Variants in COL24A1 observed in about 807,000 individuals in gnomAD.
COL24A1 encodes collagen type XXIV alpha 1 chain.
COL24A1 carries 224 observed loss-of-function variants against 253.9 expected under a neutral mutation model. The ratio of observed to expected loss-of-function variants is 0.88; its 90% CI spans 0.79 to 0.99. COL24A1 has a LOEUF of 0.99. Ranked by LOEUF, COL24A1 falls within the 50% of genes least tolerant of loss-of-function variation. The pLI is 0.00. For synonymous variants in COL24A1, 685 were observed against 673.7 expected (o/e 1.02, Z -0.26); for missense variants, 2,131 against 2,068.5 (o/e 1.03, Z -0.59).
intron 59 of COL24A1, among the ~76,000 whole-genome samples, chr1:85,730,975 T>C (rs1430737102): frequency 6.6e-6 from 1 of 152,226 alleles, no homozygotes; most frequent in South Asian, 2.1e-4. Context: ...CAGATATGAA[T>C]TAAAAGGCTG....
At chr1:86,032,043 C>A (rs1698616344) in intron 13 of COL24A1, 121 bp from the exon 14 acceptor site, 2 of 699,706 alleles carry the variant, frequency 2.9e-6, no homozygotes, top group South Asian at 2.3e-5. Flanking sequence ...TCTACTATAG[C>A]TAACTTCTGA....
At chr1:85,805,796 C>A (rs1354933019) in intron 47 of COL24A1, among the ~76,000 whole-genome samples, 1 of 152,146 alleles carries the variant, frequency 6.6e-6, no homozygotes, top group Non-Finnish European at 1.5e-5. Flanking sequence ...TAGAAATAGG[C>A]CGGGCGCGGT....
intron 5 of COL24A1, among the ~76,000 whole-genome samples, chr1:86,092,855 T>C (rs1703606920): frequency 6.6e-6 from 1 of 151,968 alleles, no homozygotes; most frequent in Non-Finnish European, 1.5e-5. Context: ...TAAAATTAGA[T>C]AAGTTTCACA....
chr1:86,110,340 C>G (rs1056859272), intron 5 of COL24A1, among the ~76,000 whole-genome samples: 1 of 146,996 alleles, frequency 6.8e-6, no homozygotes, highest in African/African-American at 2.5e-5. Flanking sequence ...TTCTTCCATA[C>G]GTTTTCCTAT....
At chr1:85,748,384 C>T (rs990555850) in intron 55 of COL24A1, among the ~76,000 whole-genome samples, 3 of 151,958 alleles carry the variant, frequency 2.0e-5, no homozygotes, top group African/African-American at 7.3e-5. Flanking sequence ...ATTTCATCTA[C>T]GAAATATTAA....
chr1:86,104,656 C>T (rs1413919397), intron 5 of COL24A1, among the ~76,000 whole-genome samples: 1 of 152,230 alleles, frequency 6.6e-6, no homozygotes, highest in Non-Finnish European at 1.5e-5. Flanking sequence ...CAAGGCTCAA[C>T]TCACAACTCC....
chr1:85,997,656 G>A (rs970325605), intron 19 of COL24A1, among the ~76,000 whole-genome samples: 6 of 151,726 alleles, frequency 4.0e-5, no homozygotes, highest in Admixed American at 1.3e-4. Context: ...GGTGACATGC[G>A]CCTGTAGTCC....
At chr1:86,017,929 G>A (rs1394595680) in intron 18 of COL24A1, among the ~76,000 whole-genome samples, 1 of 152,036 alleles carries the variant, frequency 6.6e-6, no homozygotes, top group Non-Finnish European at 1.5e-5. Flanking sequence ...TTCAGTTTCA[G>A]TATCTCTGAA....
At chr1:86,098,449 G>A (rs547688920) in intron 5 of COL24A1, among the ~76,000 whole-genome samples, 1 of 152,192 alleles carries the variant, frequency 6.6e-6, no homozygotes, top group East Asian at 1.9e-4. Flanking sequence ...GTGCTTATAT[G>A]AGGTAGACTC....
At chr1:85,821,146 A>G (rs904786758) in intron 45 of COL24A1, among the ~76,000 whole-genome samples, 2 of 152,204 alleles carry the variant, frequency 1.3e-5, no homozygotes, top group Non-Finnish European at 2.9e-5. Context: ...GAGTCATTAT[A>G]GGACAGTTCA....
intron 17 of COL24A1, 44 bp downstream of exon 17, chr1:86,022,494 T>C (rs1697636281): frequency 2.6e-6 from 4 of 1,526,012 alleles, no homozygotes; most frequent in Admixed American, 3.5e-5. Context: ...CTTTTGAATT[T>C]ACACTTTTTC....
At chr1:85,788,519 G>A (rs906062115) in intron 47 of COL24A1, among the ~76,000 whole-genome samples, 2 of 152,162 alleles carry the variant, frequency 1.3e-5, no homozygotes, top group African/African-American at 4.8e-5. Context: ...TGGGTTGTCT[G>A]TTTGCTCTGA....
rs185245053 is a variant in COL24A1, at chr1:85,963,101, A to G, written c.2518-1808T>C. Among the ~76,000 whole-genome samples, 166 of 152,274 alleles carry G rather than the reference A, an allele frequency of 1.1e-3. 1 individual carries two copies. Among genetic ancestry groups the G allele is most frequent in the African/African-American group, 3.7e-3 (155 of 41,584 alleles). ...TTCTTTTCACTATCTAATGTGGCTC[A>G]TATTTGCAGTTCATGTTGCATTTCT... On this transcript the variant is annotated intron_variant, in intron 23 of 59. Coordinates refer to ENST00000370571, the MANE Select transcript of COL24A1 (RefSeq NM_152890.7).
chr1:85,974,621 G>A (rs1692483046), intron 20 of COL24A1, among the ~76,000 whole-genome samples: 2 of 152,162 alleles, frequency 1.3e-5, no homozygotes, highest in Admixed American at 1.3e-4. Flanking sequence ...CAGAGAGGGA[G>A]GAGGTAGACA....
rs879610204 is a variant in COL24A1, at chr1:86,131,282, G to C, written c.122-5068C>G. Reference sequence around the variant, plus strand: ...GCATAGTATGATCATTCATTGCACAGGTTCAAATTTTTTTTATTTACTTCA... The same window carrying C: ...GCATAGTATGATCATTCATTGCACACGTTCAAATTTTTTTTATTTACTTCA... On this transcript the variant is annotated intron_variant, in intron 2 of 59. Transcript: ENST00000370571. 3.3e-5 allele frequency among the ~76,000 whole-genome samples: 5 copies of C among 151,888 alleles called. No individual in the cohort carries two copies. In the South Asian group the frequency reaches 8.3e-4, roughly 25 times the overall value.
intron 5 of COL24A1, among the ~76,000 whole-genome samples, chr1:86,104,940 G>A (rs1704815987): frequency 6.6e-6 from 1 of 152,246 alleles, no homozygotes; most frequent in Admixed American, 6.5e-5. Context: ...CAGTGGCAGA[G>A]GTAGCATGAC....
chr1:85,961,393 A>G, intron 23 of COL24A1, 100 bp from the exon 24 acceptor site: 1 of 934,490 alleles, frequency 1.1e-6, no homozygotes, highest in South Asian at 1.5e-5. Context: ...ATCTAGTCAT[A>G]ACCTAGAAAA....
At chr1:86,036,949 T>C (rs1699080593) in intron 12 of COL24A1, among the ~76,000 whole-genome samples, 1 of 152,184 alleles carries the variant, frequency 6.6e-6, no homozygotes, top group South Asian at 2.1e-4. Context: ...GCAACAGAGA[T>C]AGGAAAGCTC....
intron 24 of COL24A1, among the ~76,000 whole-genome samples, chr1:85,944,176 C>T (rs1026056133): frequency 6.6e-6 from 1 of 152,168 alleles, no homozygotes; most frequent in Non-Finnish European, 1.5e-5. Context: ...GACTTATGTT[C>T]TCTATTACAG....
Sources: gnomAD v4.1 joint callset for allele counts (sites outside exome capture counted in the v4.1 genomes callset) on GRCh38, gnomAD v4.1.1 for gene constraint, MANE v1.5 for transcripts, NCBI Gene and HGNC (gene_info 2026-07-23, HGNC 2026-07-21) for gene names.